Variants in WWOX observed in about 807,000 individuals in gnomAD.
The protein encoded by WWOX is WW domain-containing oxidoreductase.
A neutral mutation model predicts 46.2 loss-of-function variants in WWOX; 69 were observed. The ratio of observed to expected loss-of-function variants is 1.49; its 90% CI spans 1.23 to 1.82. The LOEUF (loss-of-function observed/expected upper bound fraction) is 1.82, where lower values mean the gene tolerates loss of function less well. Ranked by LOEUF, WWOX falls within the 40% of genes most tolerant of loss-of-function variation. The pLI is 0.00. For missense variants in WWOX, 919 were observed against 542.6 expected (o/e 1.69, Z -6.89); for synonymous variants, 359 against 202.6 (o/e 1.77, Z -6.56).
intron 8 of WWOX, among the ~76,000 whole-genome samples, chr16:78,859,464 T>G (rs1002081311): frequency 1.3e-5 from 2 of 152,178 alleles, no homozygotes; most frequent in African/African-American, 4.8e-5. Flanking sequence ...TTTTTTACAG[T>G]GTTAAAAATT....
intron 8 of WWOX, among the ~76,000 whole-genome samples, chr16:78,967,286 C>CTTTTTTTTTT (rs71140849): frequency 1.8e-5 from 1 of 56,830 alleles, no homozygotes; most frequent in Non-Finnish European, 2.9e-5. Context: ...CTGCCGAGGC[C>CTTTTTTTTTT]TTTTTTTTTT....
intron 8 of WWOX, among the ~76,000 whole-genome samples, chr16:78,668,107 C>T (rs941928946): frequency 1.4e-4 from 21 of 151,998 alleles, no homozygotes; most frequent in African/African-American, 4.6e-4. Flanking sequence ...GGTGAAGCCC[C>T]GTCTCTACTA....
intron 5 of WWOX, among the ~76,000 whole-genome samples, chr16:78,243,571 G>C (rs2037725673): frequency 6.6e-6 from 1 of 151,998 alleles, no homozygotes; most frequent in Admixed American, 6.6e-5. Flanking sequence ...TTTTGAGACA[G>C]AGTCTCACTC....
chr16:79,073,669 C>G (rs2048594563), intron 8 of WWOX, among the ~76,000 whole-genome samples: 1 of 152,104 alleles, frequency 6.6e-6, no homozygotes, highest in African/African-American at 2.4e-5. Context: ...TGGGAAGAGA[C>G]TATATTTCCC....
At chr16:78,964,352 A>G (rs910879131) in intron 8 of WWOX, among the ~76,000 whole-genome samples, 8 of 152,290 alleles carry the variant, frequency 5.3e-5, no homozygotes, top group South Asian at 2.1e-4. Flanking sequence ...TCAGATGGAG[A>G]TGAGGAGCTC....
At chr16:79,087,638 G>A (rs559466417) in intron 8 of WWOX, among the ~76,000 whole-genome samples, 10 of 152,332 alleles carry the variant, frequency 6.6e-5, no homozygotes, top group East Asian at 1.9e-4. Flanking sequence ...ATTACCTGCC[G>A]ATGGCTGTTG....
intron 3 of WWOX, 97 bp from the exon 4 acceptor site, chr16:78,114,879 C>T: frequency 6.6e-7 from 1 of 1,506,046 alleles, no homozygotes; most frequent in Non-Finnish European, 9.2e-7. Flanking sequence ...GCATTTTGGT[C>T]TATGAAAAAT....
intron 8 of WWOX, among the ~76,000 whole-genome samples, chr16:79,096,023 T>G (rs138701115): frequency 3.3e-3 from 406 of 124,574 alleles, no homozygotes; most frequent in Non-Finnish European, 4.3e-3. Flanking sequence ...ATAATTTTTT[T>G]TTTTTTTTTT....
intron 8 of WWOX, among the ~76,000 whole-genome samples, chr16:79,095,734 G>T (rs567839189): frequency 4.1e-4 from 63 of 152,114 alleles, no homozygotes; most frequent in African/African-American, 1.5e-3. Context: ...GAGTTTACAT[G>T]TGAGAGGAGC....
intron 8 of WWOX, among the ~76,000 whole-genome samples, chr16:78,450,930 C>T (rs1263579269): frequency 6.6e-6 from 1 of 152,118 alleles, no homozygotes; most frequent in African/African-American, 2.4e-5. Context: ...TGCTTTTTGT[C>T]CTTCCTGTTC....
intron 8 of WWOX, among the ~76,000 whole-genome samples, chr16:78,857,175 G>A (rs949885768): frequency 6.6e-6 from 1 of 152,104 alleles, no homozygotes; most frequent in African/African-American, 2.4e-5. Flanking sequence ...TTGGCTAAGG[G>A]AAAAGAAAAA....
chr16:78,801,923 C>G (rs920013262), intron 8 of WWOX, among the ~76,000 whole-genome samples: 1 of 151,872 alleles, frequency 6.6e-6, no homozygotes, highest in Non-Finnish European at 1.5e-5. Flanking sequence ...AATCGCTTAA[C>G]CTCTTTCAAT....
intron 5 of WWOX, among the ~76,000 whole-genome samples, chr16:78,178,848 A>G (rs1474495688): frequency 7.0e-6 from 1 of 143,310 alleles, no homozygotes; most frequent in African/African-American, 2.7e-5. Flanking sequence ...TGGGCGACAG[A>G]GCGAGATTCC....
Position 79,144,607 on chromosome 16 carries a change from A to C in WWOX, c.1057-67001A>C, listed in dbSNP as rs773845278. On this transcript the variant is annotated intron_variant, in intron 8 of 8. Coordinates refer to ENST00000566780, the MANE Select transcript of WWOX (RefSeq NM_016373.4). ...CATTAAAAAAAATATCGAGTGGAAA[A>C]AGGAATATTTCTTAGGGAGGAAAAA... Among the ~76,000 whole-genome samples, 4 of 152,140 alleles carry C rather than the reference A, an allele frequency of 2.6e-5. No individual in the cohort carries two copies. The South Asian group carries it at 8.3e-4, about 31-fold the overall frequency.
chr16:79,085,307 C>G (rs182219491), intron 8 of WWOX, among the ~76,000 whole-genome samples: 3 of 152,204 alleles, frequency 2.0e-5, no homozygotes, highest in Admixed American at 6.5e-5. Context: ...GAGCTACTGT[C>G]TAGGTTATTA....
At chr16:78,992,913 T>C (rs564913764) in intron 8 of WWOX, among the ~76,000 whole-genome samples, 3 of 150,778 alleles carry the variant, frequency 2.0e-5, no homozygotes, top group South Asian at 2.1e-4. Context: ...TGAAAAAATA[T>C]ATCTACGTAT....
chr16:79,051,733 C>T (rs540778476), intron 8 of WWOX, among the ~76,000 whole-genome samples: 2 of 152,344 alleles, frequency 1.3e-5, no homozygotes, highest in South Asian at 4.1e-4. Flanking sequence ...AGAATTTCCT[C>T]CCCATCTAAT....
chr16:79,208,395 C>T (rs536230737), intron 8 of WWOX, among the ~76,000 whole-genome samples: 1 of 147,466 alleles, frequency 6.8e-6, no homozygotes, highest in Non-Finnish European at 1.5e-5. Context: ...AAAAAAAAAT[C>T]GTTTAGGGGA....
intron 8 of WWOX, among the ~76,000 whole-genome samples, chr16:78,555,579 G>C (rs907543050): frequency 1.7e-5 from 2 of 118,986 alleles, no homozygotes; most frequent in African/African-American, 2.7e-5. Context: ...CACTAAAGGA[G>C]TGCCACTTTT....
Sources: gnomAD v4.1 joint callset for allele counts (sites outside exome capture counted in the v4.1 genomes callset) on GRCh38, gnomAD v4.1.1 for gene constraint, MANE v1.5 for transcripts, NCBI Gene and HGNC (gene_info 2026-07-23, HGNC 2026-07-21) for gene names.